The following ITGA9 variants were observed in gnomAD, a reference collection of about 807,000 sequenced individuals.
ITGA9 encodes the protein integrin alpha-9.
ITGA9 carries 56 observed loss-of-function variants against 127.8 expected under a neutral mutation model. The ratio of observed to expected loss-of-function variants is 0.44; its 90% CI spans 0.35 to 0.55. The LOEUF is 0.55. Among genes scored for constraint, ITGA9 ranks in the 20% least tolerant of loss-of-function variants. ITGA9 has a pLI of 0.00. For synonymous variants in ITGA9, 508 were observed against 514.5 expected (o/e 0.99, Z 0.17); for missense variants, 1,196 against 1,347.1 (o/e 0.89, Z 1.76).
intron 26 of ITGA9, among the ~76,000 whole-genome samples, chr3:37,791,810 C>G (rs192814789): frequency 1.8e-4 from 27 of 152,294 alleles, no homozygotes; most frequent in Non-Finnish European, 2.1e-4. Flanking sequence ...ACCAGAGAGG[C>G]ATCTTTCAAC....
rs1697293247 is a variant in ITGA9, at chr3:37,806,133, A to C, written c.3009+2191A>C. 6.6e-6 allele frequency: 1 copy of C among 152,186 alleles called. No homozygotes were observed. Among genetic ancestry groups the C allele is most frequent in the Non-Finnish European group, 1.5e-5 (1 of 68,036 alleles). The allele number at this position is 152,186 out of a possible 1,614,324, so 9.4% of individuals were successfully genotyped here. A position where few individuals can be genotyped will look rare whatever the true frequency, so the allele number is the denominator to read the frequency against. On this transcript the variant is annotated intron_variant, in intron 27 of 27. Coordinates refer to ENST00000264741, the MANE Select transcript of ITGA9 (RefSeq NM_002207.3). The surrounding 1 kb of genome is among the most constrained non-coding windows in gnomAD (Gnocchi z 4.3). ...TTATTTAATCCACATCGCCAGATAG[A>C]TTCTTAATTCTCCTTTTTCTCCAAC...
At chr3:37,512,023 CTTTTCTTT>C (rs1698917431) in intron 8 of ITGA9, among the ~76,000 whole-genome samples, 9 of 27,348 alleles carry the variant, frequency 3.3e-4, no homozygotes, top group African/African-American at 1.2e-3. Context: ...CTTTTCTTTT[CTTTTCTTT>C]CTTTCTTTCT....
intron 17 of ITGA9, among the ~76,000 whole-genome samples, chr3:37,667,716 G>T (rs372030908): frequency 6.6e-6 from 1 of 152,246 alleles, no homozygotes; most frequent in African/African-American, 2.4e-5. Flanking sequence ...GGGATTTTAT[G>T]TGTGTACTTG....
intron 13 of ITGA9, among the ~76,000 whole-genome samples, chr3:37,527,776 CT>C (rs34888170): frequency 0.61 from 91,190 of 148,966 alleles, 28,092 homozygotes; most frequent in East Asian, 0.85. Context: ...TGAAAACAGG[CT>C]TTTTTTTTTT....
chr3:37,773,601 T>TG (rs397778610), intron 23 of ITGA9, among the ~76,000 whole-genome samples: 2 of 152,074 alleles, frequency 1.3e-5, no homozygotes, highest in African/African-American at 4.8e-5. Context: ...TTTTTTTTTT[T>TG]GCCAACTTAA....
intron 18 of ITGA9, among the ~76,000 whole-genome samples, chr3:37,711,258 G>T (rs897908539): frequency 6.6e-6 from 1 of 152,262 alleles, no homozygotes. Context: ...CAGTTCTTCA[G>T]TTCTTCTCCA....
At chr3:37,775,703 A>G (rs1263697138) in intron 23 of ITGA9, among the ~76,000 whole-genome samples, 1 of 152,138 alleles carries the variant, frequency 6.6e-6, no homozygotes, top group Non-Finnish European at 1.5e-5. Flanking sequence ...GTTTTGGAGA[A>G]AAGAGAATGC....
intron 15 of ITGA9, among the ~76,000 whole-genome samples, chr3:37,571,689 C>A (rs1310454805): frequency 6.6e-6 from 1 of 152,110 alleles, no homozygotes; most frequent in Non-Finnish European, 1.5e-5. Context: ...TGGGACCACA[C>A]TCTGAGATAC....
At chr3:37,535,094 G>A (rs1481796485) in intron 14 of ITGA9, among the ~76,000 whole-genome samples, 2 of 152,206 alleles carry the variant, frequency 1.3e-5, no homozygotes, top group Non-Finnish European at 2.9e-5. Flanking sequence ...CTCAAAAAGG[G>A]CAAACGAGTA....
At chr3:37,731,304 G>A (rs1369725365) in intron 18 of ITGA9, among the ~76,000 whole-genome samples, 1 of 151,982 alleles carries the variant, frequency 6.6e-6, no homozygotes, top group South Asian at 2.1e-4. Context: ...TGCAAGCTCC[G>A]CCTCCCGGGT....
intron 15 of ITGA9, among the ~76,000 whole-genome samples, chr3:37,557,961 A>G (rs1699446965): frequency 6.6e-6 from 1 of 152,200 alleles, no homozygotes; most frequent in Non-Finnish European, 1.5e-5. Flanking sequence ...GCAAAAGATG[A>G]TGGCTTTTCT....
chr3:37,752,421 A>G (rs1365544286), intron 23 of ITGA9, among the ~76,000 whole-genome samples: 3 of 152,010 alleles, frequency 2.0e-5, no homozygotes, highest in Non-Finnish European at 4.4e-5. Context: ...CCATTCCCCA[A>G]CCTCCAAAGG....
intron 15 of ITGA9, among the ~76,000 whole-genome samples, chr3:37,564,979 C>T (rs551778767): frequency 6.6e-6 from 1 of 152,356 alleles, no homozygotes; most frequent in African/African-American, 2.4e-5. Context: ...TCTTGGGCTT[C>T]TGAAGTCCTG....
At chr3:37,815,991 A>G (rs1697427545) in intron 27 of ITGA9, among the ~76,000 whole-genome samples, 1 of 152,106 alleles carries the variant, frequency 6.6e-6, no homozygotes, top group Non-Finnish European at 1.5e-5. Flanking sequence ...CTGAGAAAGT[A>G]ATTGGAAGTG....
rs57853964 is a variant in ITGA9, at chr3:37,814,527, T to C, written c.3010-4364T>C. On this transcript the variant is annotated intron_variant, in intron 27 of 27. Transcript: ENST00000264741. This position sits in a 1 kb window ranked among gnomAD's most constrained non-coding sequence, Gnocchi z 4.3. ...TTGCAGTGAGCCAAGATCGTGCCAC[T>C]GCACTCCAGCCTGGCAACAGAGCGA... Among the ~76,000 whole-genome samples, 9,764 of 152,164 alleles carry C rather than the reference T, an allele frequency of 0.064. 630 individuals carry two copies. Among genetic ancestry groups the C allele is most frequent in the African/African-American group, 0.16 (6,732 of 41,474 alleles).
At chr3:37,793,389 AACACACACACACACACAC>A (rs10575371) in intron 26 of ITGA9, among the ~76,000 whole-genome samples, 139 of 134,558 alleles carry the variant, frequency 1.0e-3, no homozygotes, top group African/African-American at 2.8e-3. Flanking sequence ...CAAACAGGTC[AACACACACACACACACAC>A]ACACACACAC....
chr3:37,502,148 G>T (rs1411124029), intron 5 of ITGA9, among the ~76,000 whole-genome samples: 1 of 151,584 alleles, frequency 6.6e-6, no homozygotes, highest in Non-Finnish European at 1.5e-5. Context: ...CATGCTCTCA[G>T]CCCTGTTGAC....
At chr3:37,668,104 C>A in intron 17 of ITGA9, among the ~76,000 whole-genome samples, 1 of 152,132 alleles carries the variant, frequency 6.6e-6, no homozygotes, top group Non-Finnish European at 1.5e-5. Context: ...GATAGCTCTC[C>A]CTACAGATAC....
At chr3:37,465,579 G>T (rs144743171) in intron 1 of ITGA9, among the ~76,000 whole-genome samples, 1 of 152,330 alleles carries the variant, frequency 6.6e-6, no homozygotes, top group East Asian at 1.9e-4. Flanking sequence ...ACCAGTGTTG[G>T]TGCATGAACC....
Sources: gnomAD v4.1 joint callset for allele counts (sites outside exome capture counted in the v4.1 genomes callset) on GRCh38, gnomAD v4.1.1 for gene constraint, Gnocchi (gnomAD v3.1) non-coding constraint, MANE v1.5 for transcripts, NCBI Gene and HGNC (gene_info 2026-07-23, HGNC 2026-07-21) for gene names.